GRM5: variants seen among roughly 807,000 people sequenced by gnomAD.
GRM5 encodes the protein glutamate metabotropic receptor 5, also known as metabotropic glutamate receptor 5.
In GRM5, 19 loss-of-function variants were observed where a neutral mutation model predicts 83.1. The observed-to-expected ratio is 0.23, with a 90% CI of 0.16 to 0.34. The LOEUF is 0.34. Ranked by LOEUF, GRM5 falls within the 10% of genes least tolerant of loss-of-function variation. The pLI is 1.00. For missense variants in GRM5, 1,160 were observed against 1,588.3 expected (o/e 0.73, Z 4.58); for synonymous variants, 675 against 633.6 (o/e 1.07, Z -0.98).
intron 2 of GRM5, among the ~76,000 whole-genome samples, chr11:88,935,350 T>G (rs537682534): frequency 2.0e-5 from 1 of 50,218 alleles, no homozygotes; most frequent in South Asian, 4.5e-4. Flanking sequence ...AGTGTGTGTA[T>G]GTGTGTGTGT....
intron 3 of GRM5, among the ~76,000 whole-genome samples, chr11:88,816,235 A>G (rs1943677295): frequency 7.2e-6 from 1 of 139,284 alleles, no homozygotes; most frequent in Non-Finnish European, 1.5e-5. Context: ...AAAAAAAAAA[A>G]AAAAAAAAAA....
At chr11:88,593,748 C>A (rs147930022) in intron 6 of GRM5, among the ~76,000 whole-genome samples, 1 of 142,360 alleles carries the variant, frequency 7.0e-6, no homozygotes, top group Admixed American at 7.0e-5. Flanking sequence ...CTCCCTCCTT[C>A]GCTCCCTCCC....
At chr11:89,064,950 G>T (rs532079637) in intron 1 of GRM5, among the ~76,000 whole-genome samples, 210 of 121,654 alleles carry the variant, frequency 1.7e-3, no homozygotes, top group African/African-American at 5.9e-3. Context: ...GGGAGAGAGA[G>T]ATATTATTTT....
intron 2 of GRM5, among the ~76,000 whole-genome samples, chr11:88,935,841 T>G (rs545916769): frequency 6.6e-6 from 1 of 152,038 alleles, no homozygotes; most frequent in East Asian, 1.9e-4. Flanking sequence ...AAAGATACAG[T>G]CAAACATTTC....
At chr11:88,710,349 C>G (rs1941255921) in intron 3 of GRM5, among the ~76,000 whole-genome samples, 1 of 152,088 alleles carries the variant, frequency 6.6e-6, no homozygotes, top group African/African-American at 2.4e-5. Context: ...ATTTTTAGGG[C>G]CTGACAGAAA....
intron 9 of GRM5, among the ~76,000 whole-genome samples, chr11:88,523,587 T>C (rs1941764518): frequency 6.6e-6 from 1 of 152,166 alleles, no homozygotes; most frequent in South Asian, 2.1e-4. Context: ...AAAGGGATTG[T>C]AGGCATAAGG....
In GRM5 at chr11:88,967,994, C is replaced by T. The variant is rs116317900; in HGVS notation, c.661+79218G>A. 7.8e-3 allele frequency among the ~76,000 whole-genome samples: 1,184 copies of T among 152,130 alleles called. 11 individuals carry two copies. The highest frequency in any genetic ancestry group is 0.021 in the African/African-American group (854 of 41,500). On this transcript the variant is annotated intron_variant, in intron 2 of 9. Coordinates refer to ENST00000305447, the MANE Select transcript of GRM5 (RefSeq NM_001143831.3). ...CAGGTGAGTCATGTTTAGGCCTTCC[C>T]CTTCCTTTGAATTCGAATTTGGATG...
intron 3 of GRM5, among the ~76,000 whole-genome samples, chr11:88,705,743 T>A (rs983883813): frequency 1.3e-4 from 19 of 151,694 alleles, no homozygotes; most frequent in Non-Finnish European, 2.5e-4. Flanking sequence ...AAAAATCCAA[T>A]CTGATCTTAT....
intron 4 of GRM5, among the ~76,000 whole-genome samples, chr11:88,640,075 C>T (rs1362122362): frequency 6.6e-6 from 1 of 152,120 alleles, no homozygotes; most frequent in Non-Finnish European, 1.5e-5. Flanking sequence ...TGTTCTATTT[C>T]CTTAATGCTG....
chr11:88,712,254 T>C lies in GRM5; in HGVS notation c.912-58851A>G, dbSNP rs567310034. Among the ~76,000 whole-genome samples the C allele has an allele frequency of 1.2e-3, 176 of 152,196 alleles. 1 individual carries two copies. The highest frequency in any genetic ancestry group is 1.1e-3 in the Non-Finnish European group (77 of 67,958). ...TGATTACTCTGAGGTCCATTATTTT[T>C]GTTGAATATTTGAATCACCATTTCT... On this transcript the variant is annotated intron_variant, in intron 3 of 9. Transcript: ENST00000305447.
intron 4 of GRM5, among the ~76,000 whole-genome samples, chr11:88,608,582 G>A (rs899277023): frequency 3.5e-5 from 5 of 141,350 alleles, no homozygotes; most frequent in Admixed American, 1.5e-4. Context: ...GCAGTGGCGC[G>A]ATATTGGCTC....
chr11:88,950,941 T>C (rs1284862653), intron 2 of GRM5, among the ~76,000 whole-genome samples: 1 of 152,224 alleles, frequency 6.6e-6, no homozygotes, highest in East Asian at 1.9e-4. Context: ...CAAATGCAGT[T>C]ATACTCCAGT....
At chr11:88,981,605 CA>C (rs959333133) in intron 2 of GRM5, among the ~76,000 whole-genome samples, 1 of 151,900 alleles carries the variant, frequency 6.6e-6, no homozygotes, top group Non-Finnish European at 1.5e-5. Context: ...ATAGTATACA[CA>C]AAAAAAATTA....
chr11:88,984,929 C>T, intron 2 of GRM5: 1 of 593,966 alleles, frequency 1.7e-6, no homozygotes, highest in South Asian at 2.2e-5. Flanking sequence ...TTTTAAATGC[C>T]ATTTTAATAA....
At chr11:88,576,396 G>C (rs1412667516) in intron 7 of GRM5, among the ~76,000 whole-genome samples, 2 of 152,174 alleles carry the variant, frequency 1.3e-5, no homozygotes, top group Non-Finnish European at 2.9e-5. Flanking sequence ...GAGAGGAGGA[G>C]ACTGTTTCTT....
chr11:88,967,231 G>T (rs61903051), intron 2 of GRM5, among the ~76,000 whole-genome samples: 1 of 133,612 alleles, frequency 7.5e-6, no homozygotes. Context: ...GTGTGTGTAT[G>T]TATATATATA....
chr11:88,976,884 A>G (rs1025436630), intron 2 of GRM5, among the ~76,000 whole-genome samples: 4 of 151,868 alleles, frequency 2.6e-5, no homozygotes, highest in African/African-American at 9.7e-5. Context: ...TAGATATGCT[A>G]TTTTTTCCTG....
At chr11:88,907,895 T>G (rs1404113867) in intron 2 of GRM5, among the ~76,000 whole-genome samples, 2 of 152,190 alleles carry the variant, frequency 1.3e-5, no homozygotes, top group Non-Finnish European at 2.9e-5. Context: ...ACATAAATGG[T>G]AGCTTTAAAA....
At chr11:88,570,541 A>C (rs929220515) in intron 7 of GRM5, among the ~76,000 whole-genome samples, 3 of 135,350 alleles carry the variant, frequency 2.2e-5, no homozygotes, top group African/African-American at 9.0e-5. Flanking sequence ...TACCAAAAAA[A>C]GTATTAATAA....
Sources: allele counts gnomAD v4.1 joint callset (sites outside exome capture counted in the v4.1 genomes callset), GRCh38; gene constraint gnomAD v4.1.1; transcripts MANE v1.5; gene names NCBI Gene and HGNC (gene_info 2026-07-23, HGNC 2026-07-21).